The following ZNF644 variants were observed in gnomAD, a reference collection of about 807,000 sequenced individuals.
ZNF644 encodes zinc finger protein 644.
ZNF644 carries 20 observed loss-of-function variants against 108.0 expected under a neutral mutation model. The observed-to-expected ratio is 0.19, with a 90% CI of 0.13 to 0.27. The LOEUF is 0.27. Among genes scored for constraint, ZNF644 ranks in the 10% least tolerant of loss-of-function variants. The pLI is 1.00. For missense variants in ZNF644, 1,338 were observed against 1,548.9 expected, an observed-to-expected ratio of 0.86 and a Z score of 2.29; for synonymous variants, 542 against 539.1, an observed-to-expected ratio of 1.01 and a Z score of -0.08.
In ZNF644 at chr1:90,938,108, A is replaced by C; in HGVS notation, c.3083-18T>G. 1 of 1,610,664 alleles carries C rather than the reference A, an allele frequency of 6.2e-7. No homozygotes were observed. The highest frequency in any genetic ancestry group is 8.5e-7 in the Non-Finnish European group (1 of 1,179,264). The stretch of plus-strand genomic sequence containing the variant: ...CTCTATAGCTAGAAAAAAATTTTTA[A>C]GAGTAATATCAGACTTTCTTATATA... On this transcript the variant is annotated intron_variant, in intron 3 of 5. Transcript: ENST00000337393. The surrounding 1 kb of genome is among the most constrained non-coding windows in gnomAD (Gnocchi z 4.2).
intron 2 of ZNF644, among the ~76,000 whole-genome samples, chr1:90,957,133 A>G (rs1173415467): frequency 6.6e-6 from 1 of 152,080 alleles, no homozygotes; most frequent in East Asian, 1.9e-4. Flanking sequence ...GACCTAGTAC[A>G]AGTAAAGAGA....
Position 90,937,542 on chromosome 1 carries a change from T to A in ZNF644, c.3631A>T (p.Asn1211Tyr), listed in dbSNP as rs747917893. The A allele has an allele frequency of 8.7e-6, 14 of 1,613,782 alleles. No homozygotes were observed. Among genetic ancestry groups the A allele is most frequent in the Non-Finnish European group, 1.1e-5 (13 of 1,179,796 alleles). ...TGATACATCAACGGACTATCCTCATTTAATGGAAGAACGCATTTCTGAACG... is the reference window on the plus strand; with the variant it reads ...TGATACATCAACGGACTATCCTCATATAATGGAAGAACGCATTTCTGAACG... ...RFVQKCVLPL[N>Y]EDSPLMYQPQ... The change falls in exon 4 of 6, where the codon AAT becomes TAT. Residue 1211 changes from asparagine to tyrosine, a missense_variant. Physicochemically the swap from Asn to Tyr is moderately radical, Grantham distance 143. Around this residue, in one of 6 missense-constraint regions of ZNF644, gnomAD observed 287 missense variants for 310.9 expected, o/e 0.92. Coordinates refer to ENST00000337393, the MANE Select transcript of ZNF644 (RefSeq NM_201269.3).
At chr1:90,948,954 TAA>T (rs1652805176) in intron 2 of ZNF644, among the ~76,000 whole-genome samples, 3 of 152,306 alleles carry the variant, frequency 2.0e-5, no homozygotes, top group Admixed American at 2.0e-4. Flanking sequence ...AAAAGTTCCA[TAA>T]ATTAATTTGC....
rs878970999 is a variant in ZNF644, at chr1:90,953,613, T to C, written c.45-12304A>G. ...TATTATGTCTAAAAAGCAAGGTATA[T>C]AGCTTAAAGTATTCTATTGTAGCTG... On this transcript the variant is annotated intron_variant, in intron 2 of 5. Transcript: ENST00000337393. 2.6e-5 allele frequency among the ~76,000 whole-genome samples: 4 copies of C among 152,030 alleles called. No homozygotes were observed. In the South Asian group the frequency reaches 8.3e-4, roughly 32 times the overall value.
chr1:91,006,493 ACT>A (rs1421389113), intron 1 of ZNF644, among the ~76,000 whole-genome samples: 1 of 152,004 alleles, frequency 6.6e-6, no homozygotes, highest in African/African-American at 2.4e-5. Flanking sequence ...TCCTTCTCAA[ACT>A]CTTCCAAAAA....
At chr1:91,002,032 C>T (rs1003325352) in intron 1 of ZNF644, among the ~76,000 whole-genome samples, 1 of 152,104 alleles carries the variant, frequency 6.6e-6, no homozygotes, top group African/African-American at 2.4e-5. Context: ...TAAAAGAGGA[C>T]ACAAACAAAT....
chr1:90,935,362 GTGTAT>G, intron 4 of ZNF644: 1 of 985,634 alleles, frequency 1.0e-6, no homozygotes, highest in Non-Finnish European at 1.2e-6. Flanking sequence ...GAAAAAAAAA[GTGTAT>G]TGTATCAAAC....
intron 1 of ZNF644, among the ~76,000 whole-genome samples, chr1:91,011,831 C>T (rs17131255): frequency 0.12 from 18,013 of 152,066 alleles, 1,120 homozygotes; most frequent in South Asian, 0.16. Flanking sequence ...AATAAGCAAC[C>T]TAAAATGCCT....
At chr1:91,000,693 C>A (rs1658678230) in intron 1 of ZNF644, among the ~76,000 whole-genome samples, 1 of 152,076 alleles carries the variant, frequency 6.6e-6, no homozygotes, top group South Asian at 2.1e-4. Context: ...CAGAGCAGAA[C>A]TGAAGGAGAT....
At chr1:90,920,026 A>G (rs1246274587) in intron 4 of ZNF644, among the ~76,000 whole-genome samples, 1 of 152,086 alleles carries the variant, frequency 6.6e-6, no homozygotes, top group Non-Finnish European at 1.5e-5. Flanking sequence ...ACCCAGTAGG[A>G]AAAACCTTTT....
Position 90,939,710 on chromosome 1 carries a change from A to G in ZNF644, c.1644T>C (p.His548=). 6.2e-7 allele frequency: 1 copy of G among 1,614,042 alleles called. No homozygotes were observed. Among genetic ancestry groups the G allele is most frequent in the Non-Finnish European group, 8.5e-7 (1 of 1,179,952 alleles). ...NELECHRGIA[H]GAVVKCPMVT... is the part of the protein sequence containing the mutation. ...CCATAGGGCATTTTACCACTGCCCC[A>G]TGTGCAATGCCTCGATGGCATTCCA... The change falls in exon 3 of 6, where the codon CAT becomes CAC. Residue 548 remains histidine, a synonymous_variant. Coordinates refer to ENST00000337393, the MANE Select transcript of ZNF644 (RefSeq NM_201269.3).
At chr1:90,947,268 A>C (rs1220789442) in intron 2 of ZNF644, among the ~76,000 whole-genome samples, 1 of 152,204 alleles carries the variant, frequency 6.6e-6, no homozygotes, top group Admixed American at 6.5e-5. Flanking sequence ...ATGTAATTAG[A>C]ATAAGTGATG....
At chr1:91,017,228 C>T (rs900518167) in intron 1 of ZNF644, among the ~76,000 whole-genome samples, 1 of 152,184 alleles carries the variant, frequency 6.6e-6, no homozygotes, top group Non-Finnish European at 1.5e-5. Context: ...TCACTCTAAC[C>T]CAGCTTCAAT....
At chr1:90,992,846 A>C (rs932242038) in intron 1 of ZNF644, among the ~76,000 whole-genome samples, 3 of 152,142 alleles carry the variant, frequency 2.0e-5, no homozygotes, top group African/African-American at 7.2e-5. Flanking sequence ...CAGAAGTTCA[A>C]GCAGCCTGAG....
rs562339457 is a variant in ZNF644 at position 90,997,747 on chromosome 1, C to T, written c.-17-15377G>A. On this transcript the variant is annotated intron_variant, in intron 1 of 5. Coordinates refer to ENST00000337393, the MANE Select transcript of ZNF644 (RefSeq NM_201269.3). ...CATGAGCCGAAGCAGGGCGAGGCAT[C>T]GCCTCACCCGGGAAGTGCAAGGGGT... 8.2e-4 allele frequency among the ~76,000 whole-genome samples: 125 copies of T among 152,268 alleles called. 1 individual carries two copies. Among genetic ancestry groups the T allele is most frequent in the Middle Eastern group, 6.8e-3 (2 of 294 alleles).
intron 1 of ZNF644, among the ~76,000 whole-genome samples, chr1:91,018,526 T>C (rs1660619073): frequency 6.6e-6 from 1 of 152,242 alleles, no homozygotes; most frequent in Non-Finnish European, 1.5e-5. Flanking sequence ...ATTTAAAACA[T>C]TTAGAAAACA....
At chr1:91,004,713 A>C (rs1303539222) in intron 1 of ZNF644, among the ~76,000 whole-genome samples, 2 of 152,214 alleles carry the variant, frequency 1.3e-5, no homozygotes, top group African/African-American at 4.8e-5. Flanking sequence ...GAGAGGGAAT[A>C]GAGCTATATA....
intron 2 of ZNF644, among the ~76,000 whole-genome samples, chr1:90,949,163 T>C (rs1652827539): frequency 1.3e-5 from 2 of 151,674 alleles, no homozygotes; most frequent in Admixed American, 1.3e-4. Flanking sequence ...TTATATACAT[T>C]CAAACTCTAC....
At chr1:91,013,484 T>TACAC (rs772232056) in intron 1 of ZNF644, among the ~76,000 whole-genome samples, 11 of 104,978 alleles carry the variant, frequency 1.0e-4, no homozygotes, top group African/African-American at 3.2e-4. Flanking sequence ...CACACACACA[T>TACAC]ACACACACAC....
Sources: gnomAD v4.1 joint callset for allele counts (sites outside exome capture counted in the v4.1 genomes callset) on GRCh38, gnomAD v4.1.1 for gene constraint, gnomAD v4.1.1 regional missense constraint, Gnocchi (gnomAD v3.1) non-coding constraint, MANE v1.5 for transcripts, NCBI Gene and HGNC (gene_info 2026-07-23, HGNC 2026-07-21) for gene names.